The following DLGAP1 variants were observed in gnomAD, a reference collection of about 807,000 sequenced individuals.
DLGAP1 encodes DLG associated protein 1, also known as disks large-associated protein 1.
In DLGAP1, 11 loss-of-function variants were observed where a neutral mutation model predicts 90.8. The ratio of observed to expected loss-of-function variants is 0.12; its 90% CI spans 0.08 to 0.20. DLGAP1 has a LOEUF of 0.20. Ranked by LOEUF, DLGAP1 falls within the 10% of genes least tolerant of loss-of-function variation. The probability of loss-of-function intolerance (pLI) is 1.00; values close to 1 mark genes in which losing one functional copy is unlikely to be tolerated. For missense variants in DLGAP1, 1,050 were observed against 1,333.8 expected, an observed-to-expected ratio of 0.79 and a Z score of 3.31; for synonymous variants, 558 against 540.7, an observed-to-expected ratio of 1.03 and a Z score of -0.44.
At position 3,517,033 on chromosome 18, in the gene DLGAP1, A is replaced by G. The variant is rs1285615124; in HGVS notation, c.2480-8372T>C. 6.6e-6 allele frequency among the ~76,000 whole-genome samples: 1 copy of G among 152,234 alleles called. No individual in the cohort carries two copies. The highest frequency in any genetic ancestry group is 1.5e-5 in the Non-Finnish European group (1 of 68,034). Reference sequence around the variant, plus strand: ...TGGAAGAAATCTTTTTTTCTGAGCCATAGGTCTCAACAGTAGGCTTAAAGT... The same window carrying G: ...TGGAAGAAATCTTTTTTTCTGAGCCGTAGGTCTCAACAGTAGGCTTAAAGT... On this transcript the variant is annotated intron_variant, in intron 10 of 12. Coordinates refer to ENST00000315677, the MANE Select transcript of DLGAP1 (RefSeq NM_004746.4). The surrounding 1 kb of genome is among the most constrained non-coding windows in gnomAD (Gnocchi z 4.1).
intron 1 of DLGAP1, among the ~76,000 whole-genome samples, chr18:4,361,395 A>T (rs999365703): frequency 1.3e-5 from 2 of 152,198 alleles, no homozygotes; most frequent in Admixed American, 6.5e-5. Context: ...TGGTACTGGC[A>T]TAAAGACAGA....
At chr18:3,606,805 T>A (rs1169610307) in intron 7 of DLGAP1, 2 of 152,218 alleles carry the variant, frequency 1.3e-5, no homozygotes, top group Non-Finnish European at 2.9e-5. Context: ...TTATACACAC[T>A]ATTATTTCTT....
At chr18:3,618,492 T>C (rs894789524) in intron 7 of DLGAP1, among the ~76,000 whole-genome samples, 4 of 151,774 alleles carry the variant, frequency 2.6e-5, no homozygotes, top group African/African-American at 9.7e-5. Context: ...TAGCTGTGAA[T>C]TGTGCATCAA....
chr18:4,038,579 A>G (rs1283033227), intron 2 of DLGAP1, among the ~76,000 whole-genome samples: 1 of 152,214 alleles, frequency 6.6e-6, no homozygotes, highest in Non-Finnish European at 1.5e-5. Flanking sequence ...GGTAAAATAG[A>G]CAAAATGCAA....
chr18:3,916,003 A>C (rs2072134954), intron 3 of DLGAP1, among the ~76,000 whole-genome samples: 1 of 152,178 alleles, frequency 6.6e-6, no homozygotes. Flanking sequence ...CATCAGCAGA[A>C]AAGGACAGTG....
rs148447420 is a variant in DLGAP1 at position 3,515,916 on chromosome 18, C to G, written c.2480-7255G>C. Among the ~76,000 whole-genome samples, 643 of 152,198 alleles carry G rather than the reference C, an allele frequency of 4.2e-3. 6 individuals are homozygous for G. The highest frequency in any genetic ancestry group is 0.014 in the African/African-American group (598 of 41,532). ...GCAGCATCTTCACCAAGAGTAGATTCCATCTCAAGAAACTACTTTCTTGGC... is the reference window on the plus strand; with the variant it reads ...GCAGCATCTTCACCAAGAGTAGATTGCATCTCAAGAAACTACTTTCTTGGC... On this transcript the variant is annotated intron_variant, in intron 10 of 12. Transcript: ENST00000315677.
chr18:3,921,381 C>T (rs113603786), intron 3 of DLGAP1, among the ~76,000 whole-genome samples: 3,614 of 152,030 alleles, frequency 0.024, 129 homozygotes, highest in African/African-American at 0.079. Context: ...ACCAGAGAAA[C>T]TTAAATAGTG....
In DLGAP1 at chr18:3,680,901, G is replaced by A. The variant is rs144843658; in HGVS notation, c.1591+48234C>T. ...ACTTGGGCCTAGGAAGAATGAAGAA[G>A]CCTGAATCTATGCTGCAAACTCTGG... On this transcript the variant is annotated intron_variant, in intron 7 of 12. Transcript: ENST00000315677. Among the ~76,000 whole-genome samples the A allele has an allele frequency of 4.6e-5, 7 of 151,826 alleles. 1 individual carries two copies. The highest frequency in any genetic ancestry group is 1.5e-4 in the African/African-American group (6 of 41,324).
chr18:3,579,599 C>T (rs2055369093), intron 8 of DLGAP1, among the ~76,000 whole-genome samples: 1 of 152,126 alleles, frequency 6.6e-6, no homozygotes, highest in African/African-American at 2.4e-5. Flanking sequence ...CAAAGGGTAC[C>T]CGCAGACTGA....
intron 3 of DLGAP1, among the ~76,000 whole-genome samples, chr18:3,992,341 T>A (rs748760313): frequency 3.3e-5 from 5 of 152,158 alleles, no homozygotes; most frequent in Admixed American, 2.6e-4. Context: ...GCTTTTCTCT[T>A]CTCTTTATCA....
chr18:3,838,394 GC>G (rs1315849409), intron 4 of DLGAP1, among the ~76,000 whole-genome samples: 1 of 152,146 alleles, frequency 6.6e-6, no homozygotes, highest in Non-Finnish European at 1.5e-5. Flanking sequence ...TCGTAACTGG[GC>G]ATGGTTGCTA....
chr18:4,225,487 A>G (rs1568460037), intron 1 of DLGAP1, among the ~76,000 whole-genome samples: 2 of 152,162 alleles, frequency 1.3e-5, no homozygotes, highest in Non-Finnish European at 2.9e-5. Flanking sequence ...CTGGAAAGAC[A>G]GAGATATAGG....
intron 1 of DLGAP1, among the ~76,000 whole-genome samples, chr18:4,178,691 T>C (rs1352059505): frequency 6.6e-6 from 1 of 152,176 alleles, no homozygotes; most frequent in Non-Finnish European, 1.5e-5. Flanking sequence ...CTTTTTATAG[T>C]CATATTTTAT....
At chr18:4,424,758 A>AT (rs201263302) in intron 1 of DLGAP1, among the ~76,000 whole-genome samples, 2,505 of 152,112 alleles carry the variant, frequency 0.016, 31 homozygotes, top group Middle Eastern at 0.027. Context: ...CTTAGTCATG[A>AT]TTTTTTTCTT....
At chr18:4,328,734 C>A (rs939320068) in intron 1 of DLGAP1, among the ~76,000 whole-genome samples, 4 of 151,868 alleles carry the variant, frequency 2.6e-5, no homozygotes, top group African/African-American at 4.8e-5. Flanking sequence ...TCTTAGCCAC[C>A]CCAGTGAGTG....
chr18:3,610,924 C>T lies in DLGAP1; in HGVS notation c.1592-28676G>A, dbSNP rs2057584507. ...TTTCATATGTATTTTTTTCCTATGG[C>T]AGAAGAGTTTTCATAATTTGTATGA... On this transcript the variant is annotated intron_variant, in intron 7 of 12. Coordinates refer to ENST00000315677, the MANE Select transcript of DLGAP1 (RefSeq NM_004746.4). Among the ~76,000 whole-genome samples, 8 of 148,812 alleles carry T rather than the reference C, an allele frequency of 5.4e-5. No homozygotes were observed. The South Asian group carries it at 1.7e-3, about 31-fold the overall frequency.
chr18:4,080,744 G>A (rs1208422587), intron 2 of DLGAP1, among the ~76,000 whole-genome samples: 1 of 152,070 alleles, frequency 6.6e-6, no homozygotes, highest in Non-Finnish European at 1.5e-5. Context: ...GCGATAACCC[G>A]ATTTACTACT....
chr18:4,400,081 A>AC (rs1435920297), intron 1 of DLGAP1, among the ~76,000 whole-genome samples: 2 of 150,358 alleles, frequency 1.3e-5, no homozygotes, highest in Non-Finnish European at 3.0e-5. Flanking sequence ...ATGTTCCCCC[A>AC]CCCCCCGCCA....
intron 7 of DLGAP1, among the ~76,000 whole-genome samples, chr18:3,651,754 C>T (rs1219611756): frequency 6.6e-6 from 1 of 152,194 alleles, no homozygotes; most frequent in Non-Finnish European, 1.5e-5. Context: ...GGGTGGATCT[C>T]TTGAGGTCAG....
Sources: gnomAD v4.1 joint callset for allele counts (sites outside exome capture counted in the v4.1 genomes callset) on GRCh38, gnomAD v4.1.1 for gene constraint, Gnocchi (gnomAD v3.1) non-coding constraint, MANE v1.5 for transcripts, NCBI Gene and HGNC (gene_info 2026-07-23, HGNC 2026-07-21) for gene names.